Variants in CACNB2 observed in about 807,000 individuals in gnomAD.
The protein encoded by CACNB2 is calcium voltage-gated channel auxiliary subunit beta 2.
CACNB2 carries 42 observed loss-of-function variants against 73.3 expected under a neutral mutation model. That is an observed-to-expected ratio of 0.57 (90% CI 0.45 to 0.74). The LOEUF (loss-of-function observed/expected upper bound fraction) is 0.74. Among genes scored for constraint, CACNB2 ranks in the 30% least tolerant of loss-of-function variants. The pLI, the probability that CACNB2 is intolerant of heterozygous loss-of-function variation, is 0.00. For synonymous variants in CACNB2, 348 were observed against 310.3 expected, an observed-to-expected ratio of 1.12 and a Z score of -1.28; for missense variants, 940 against 853.0, an observed-to-expected ratio of 1.10 and a Z score of -1.27.
intron 2 of CACNB2, among the ~76,000 whole-genome samples, chr10:18,331,954 A>G (rs1469383146): frequency 6.6e-6 from 1 of 152,136 alleles, no homozygotes; most frequent in Non-Finnish European, 1.5e-5. Flanking sequence ...AGCAGATGGA[A>G]GAGAAAGTGC....
intron 3 of CACNB2, among the ~76,000 whole-genome samples, chr10:18,467,862 A>G (rs1480404610): frequency 6.6e-6 from 1 of 152,216 alleles, no homozygotes; most frequent in Non-Finnish European, 1.5e-5. Flanking sequence ...AATTGTTTGT[A>G]AGCCTGTCTC....
At chr10:18,488,359 CAGCT>C (rs1166611633) in intron 3 of CACNB2, among the ~76,000 whole-genome samples, 4 of 150,618 alleles carry the variant, frequency 2.7e-5, no homozygotes, top group African/African-American at 7.4e-5. Flanking sequence ...CCTGTAGTCC[CAGCT>C]ACTCGGGAGG....
intron 3 of CACNB2, among the ~76,000 whole-genome samples, chr10:18,424,114 T>G (rs2132748577): frequency 6.6e-6 from 1 of 152,294 alleles, no homozygotes. Context: ...AGCTTTCATG[T>G]TATCCTTCCC....
chr10:18,310,657 A>G (rs929908507), intron 2 of CACNB2, among the ~76,000 whole-genome samples: 1 of 150,808 alleles, frequency 6.6e-6, no homozygotes, highest in African/African-American at 2.4e-5. Context: ...TTATAAAGAA[A>G]AGAAACCCAC....
chr10:18,352,650 G>T lies in CACNB2; in HGVS notation c.214-49274G>T, dbSNP rs191020009. ...AAAAGTGCGTACTTAATTGTTATAT[G>T]AATTACAAGGGACTGCATAGGTTTC... On this transcript the variant is annotated intron_variant, in intron 2 of 13. Coordinates refer to ENST00000324631, the MANE Select transcript of CACNB2 (RefSeq NM_201596.3). Among the ~76,000 whole-genome samples the T allele has an allele frequency of 1.8e-4, 27 of 152,302 alleles. No individual in the cohort carries two copies. In the East Asian group the frequency reaches 4.2e-3, roughly 24 times the overall value.
chr10:18,540,554 C>T lies in CACNB2; in HGVS notation c.*830C>T, dbSNP rs1589784378. 1 of 152,294 alleles carries T rather than the reference C, an allele frequency of 6.6e-6. No individual in the cohort carries two copies. The highest frequency in any genetic ancestry group is 2.1e-4 in the South Asian group (1 of 4,820). 9.4% of individuals were successfully genotyped at this position (152,294 alleles called of 1,614,324 possible). ...TTTGAATTCTGAATGTTATACCATCCTTGTAAGTAAGTTTGTAATTTCCAC... is the reference window on the plus strand; with the variant it reads ...TTTGAATTCTGAATGTTATACCATCTTTGTAAGTAAGTTTGTAATTTCCAC... On this transcript the variant is annotated 3_prime_UTR_variant, in exon 14 of 14. Transcript: ENST00000324631.
chr10:18,315,875 T>G (rs184027629), intron 2 of CACNB2, among the ~76,000 whole-genome samples: 19 of 152,314 alleles, frequency 1.2e-4, no homozygotes, highest in Admixed American at 7.8e-4. Flanking sequence ...AATGCAGAGC[T>G]GAAAGTCATG....
intron 3 of CACNB2, among the ~76,000 whole-genome samples, chr10:18,496,729 G>A (rs1423105013): frequency 7.3e-6 from 1 of 137,266 alleles, no homozygotes; most frequent in African/African-American, 2.8e-5. Context: ...CAGGAGAACC[G>A]CTTGAATGCA....
At chr10:18,271,658 G>A (rs999292721) in intron 2 of CACNB2, among the ~76,000 whole-genome samples, 11 of 152,092 alleles carry the variant, frequency 7.2e-5, no homozygotes, top group Admixed American at 3.9e-4. Flanking sequence ...GCAGGTAGCC[G>A]TTCTCTGAAG....
intron 3 of CACNB2, among the ~76,000 whole-genome samples, chr10:18,432,663 G>A (rs1258694834): frequency 6.6e-6 from 1 of 151,986 alleles, no homozygotes; most frequent in Admixed American, 6.6e-5. Context: ...GTAAAACCTT[G>A]TCTCTACAAA....
intron 2 of CACNB2, among the ~76,000 whole-genome samples, chr10:18,213,771 T>C (rs2035408266): frequency 6.6e-6 from 1 of 152,212 alleles, no homozygotes; most frequent in Admixed American, 6.5e-5. Flanking sequence ...ATAGAATGGC[T>C]AGAAGAGCCA....
chr10:18,176,373 G>A (rs189037367), intron 2 of CACNB2, among the ~76,000 whole-genome samples: 7 of 152,196 alleles, frequency 4.6e-5, no homozygotes, highest in Middle Eastern at 3.4e-3. Context: ...AGAAGAAAAT[G>A]GGAAGGCTTT....
intron 2 of CACNB2, among the ~76,000 whole-genome samples, chr10:18,275,625 TA>T (rs1345647816): frequency 6.6e-6 from 1 of 151,898 alleles, no homozygotes; most frequent in Non-Finnish European, 1.5e-5. Context: ...GTTGAAGATT[TA>T]AAAAAAGAAA....
rs16916985 is a variant in CACNB2 at position 18,211,277 on chromosome 10, T to C, written c.213+60302T>C. ...TGCAGGGTCACCGTGTTTGTGACAC[T>C]AGGCTTGGACATTGCCATTGTCTAG... On this transcript the variant is annotated intron_variant, in intron 2 of 13. Coordinates refer to ENST00000324631, the MANE Select transcript of CACNB2 (RefSeq NM_201596.3). Among the ~76,000 whole-genome samples the C allele has an allele frequency of 3.6e-3, 541 of 152,322 alleles. 10 individuals carry two copies. In the East Asian group the frequency reaches 0.066, roughly 18 times the overall value.
intron 2 of CACNB2, among the ~76,000 whole-genome samples, chr10:18,185,431 A>G (rs548152449): frequency 6.6e-6 from 1 of 152,258 alleles, no homozygotes; most frequent in East Asian, 1.9e-4. Flanking sequence ...CTTCTGGTGA[A>G]CATTTATTTG....
At chr10:18,299,067 T>TAAAAAAAAAAAAAAAAAAAAAAAAA (rs71402154) in intron 2 of CACNB2, among the ~76,000 whole-genome samples, 1 of 120,952 alleles carries the variant, frequency 8.3e-6, no homozygotes, top group African/African-American at 3.3e-5. Context: ...TAAAGTATAC[T>TAAAAAAAAAAAAAAAAAAAAAAAAA]AAAAAAAAAA....
At chr10:18,350,239 CA>C (rs1317547632) in intron 2 of CACNB2, among the ~76,000 whole-genome samples, 4 of 152,208 alleles carry the variant, frequency 2.6e-5, no homozygotes, top group African/African-American at 9.6e-5. Flanking sequence ...GAGCAAAACT[CA>C]GTCTCAAAAA....
chr10:18,355,205 C>T (rs2041859321), intron 2 of CACNB2, among the ~76,000 whole-genome samples: 1 of 118,178 alleles, frequency 8.5e-6, no homozygotes, highest in African/African-American at 3.3e-5. Context: ...TGCATGTACA[C>T]TCTAAGTGTT....
chr10:18,158,884 A>G (rs1226338063), intron 2 of CACNB2, among the ~76,000 whole-genome samples: 1 of 152,150 alleles, frequency 6.6e-6, no homozygotes, highest in African/African-American at 2.4e-5. Flanking sequence ...GATGCTGCCA[A>G]GGTCAGGGAA....
Sources: gnomAD v4.1 joint callset for allele counts (sites outside exome capture counted in the v4.1 genomes callset) on GRCh38, gnomAD v4.1.1 for gene constraint, MANE v1.5 for transcripts, NCBI Gene and HGNC (gene_info 2026-07-23, HGNC 2026-07-21) for gene names.